The following SLC2A7 variants were observed in gnomAD, a reference collection of about 807,000 sequenced individuals.
SLC2A7 encodes solute carrier family 2 member 7, also known as solute carrier family 2, facilitated glucose transporter member 7.
A neutral mutation model predicts 50.5 loss-of-function variants in SLC2A7; 50 were observed. The ratio of observed to expected loss-of-function variants is 0.99; its 90% CI spans 0.79 to 1.25. The LOEUF is 1.25. Ranked by LOEUF, SLC2A7 falls within the 50% of genes most tolerant of loss-of-function variation. The pLI, the probability that SLC2A7 is intolerant of heterozygous loss-of-function variation, is 0.00. For missense variants in SLC2A7, 683 were observed against 679.1 expected (o/e 1.01, Z -0.06); for synonymous variants, 308 against 300.4 (o/e 1.03, Z -0.26).
At position 9,003,455 on chromosome 1, in the gene SLC2A7, T is replaced by C. The variant is rs375730987; in HGVS notation, c.1384A>G (p.Ile462Val). ...TTGGTCTCCGGAATAACCACGTAGA[T>C]GTAAATCGCAGTGAGGAGGCAGATT... ...AGICLLTAIY[I>V]YVVIPETKGK... Residue 462 changes from isoleucine to valine, a missense_variant, in exon 12 of 12, where the codon ATC becomes GTC. By Grantham distance (29) the Ile-to-Val change is conservative (BLOSUM62 3). Coordinates refer to ENST00000400906, the MANE Select transcript of SLC2A7 (RefSeq NM_207420.3). 47 of 1,614,026 alleles carry C rather than the reference T, an allele frequency of 2.9e-5. No individual in the cohort carries two copies. The highest frequency in any genetic ancestry group is 2.3e-4 in the South Asian group (21 of 91,088).
chr1:9,003,849 C>A (rs1466409336), intron 11 of SLC2A7, among the ~76,000 whole-genome samples: 2 of 152,038 alleles, frequency 1.3e-5, no homozygotes, highest in Admixed American at 6.6e-5. Context: ...CAGAGCGTGA[C>A]TGTCTCAAAA....
intron 9 of SLC2A7, among the ~76,000 whole-genome samples, chr1:9,009,149 A>G (rs1640703614): frequency 6.6e-6 from 1 of 152,334 alleles, no homozygotes; most frequent in African/African-American, 2.4e-5. Flanking sequence ...TTGGCTCTAC[A>G]TGACAGAATG....
At chr1:9,004,213 G>A (rs1640618229) in intron 11 of SLC2A7, among the ~76,000 whole-genome samples, 1 of 151,744 alleles carries the variant, frequency 6.6e-6, no homozygotes, top group African/African-American at 2.4e-5. Context: ...CATGCCTGTG[G>A]TCCCAGCGAC....
intron 11 of SLC2A7, 68 bp from the exon 12 acceptor site, chr1:9,003,586 G>T (rs972167508): frequency 4.2e-6 from 6 of 1,436,674 alleles, no homozygotes; most frequent in Non-Finnish European, 5.8e-6. Flanking sequence ...AGCTGAGCAC[G>T]TTGGCTCATG....
the SLC2A7 span, among the ~76,000 whole-genome samples, chr1:8,997,259 TTG>T: frequency 1.3e-5 from 2 of 152,036 alleles, no homozygotes; most frequent in African/African-American, 4.8e-5. Context: ...TGAGCCATGA[TTG>T]TGTCACTGCA....
intron 9 of SLC2A7, among the ~76,000 whole-genome samples, chr1:9,009,294 T>C (rs1335849466): frequency 6.6e-6 from 1 of 152,200 alleles, no homozygotes; most frequent in Non-Finnish European, 1.5e-5. Flanking sequence ...AGAATGCTGG[T>C]TGCTTTTTAG....
chr1:9,003,549 G>T (rs773450763), intron 11 of SLC2A7, 31 bp from the exon 12 acceptor site: 30 of 1,585,648 alleles, frequency 1.9e-5, no homozygotes, highest in Non-Finnish European at 2.4e-5. Flanking sequence ...GACAGGAGGG[G>T]GCAGAGAAAG....
chr1:9,013,592 T>C lies in SLC2A7; in HGVS notation c.947A>G (p.Glu316Gly), dbSNP rs1640782149. 2.5e-6 allele frequency: 4 copies of C among 1,614,106 alleles called. No homozygotes were observed. Among genetic ancestry groups the C allele is most frequent in the Non-Finnish European group, 3.4e-6 (4 of 1,180,004 alleles). ...CGTTACATATTGGGAGTGAGCGGCCTCCACGCCCGCAGATGTGTAGATGGT... is the reference window on the plus strand; with the variant it reads ...CGTTACATATTGGGAGTGAGCGGCCCCCACGCCCGCAGATGTGTAGATGGT... ...ADTIYTSAGV[E>G]AAHSQYVTVG... Residue 316 changes from glutamate (E) to glycine (G), a missense_variant, in exon 8 of 12, where the codon GAG (glutamate) becomes GGG (glycine). Transcript: ENST00000400906.
chr1:9,002,498 G>T (rs1028155008), downstream of SLC2A7, among the ~76,000 whole-genome samples: 3 of 152,122 alleles, frequency 2.0e-5, no homozygotes, highest in Admixed American at 2.0e-4. Flanking sequence ...GCACATCAAG[G>T]CACAGCACCT....
chr1:9,001,355 G>A (rs556117738), downstream of SLC2A7, among the ~76,000 whole-genome samples: 2 of 151,822 alleles, frequency 1.3e-5, no homozygotes, highest in African/African-American at 2.4e-5. Context: ...TTATCATCTC[G>A]AGTGATAGAA....
rs200442436 is a variant in SLC2A7 at position 9,025,056 on chromosome 1, A to G, written c.70T>C (p.Leu24=). The G allele has an allele frequency of 1.7e-5, 27 of 1,613,214 alleles. No individual in the cohort carries two copies. The highest frequency in any genetic ancestry group is 2.1e-5 in the Non-Finnish European group (25 of 1,179,914). ...SREGRLQPTL[L]LATLSAAFGS... ...AAGGCCGCGCTCAGTGTCGCCAGCA[A>G]CAGCGTCGGCTGGAGCCGCTGTAGG... is the stretch of plus-strand genomic sequence containing the variant. The change falls in exon 2 of 12, where the codon TTG becomes CTG. Residue 24 remains leucine, a synonymous_variant. Transcript: ENST00000400906.
rs760026804 is a variant in SLC2A7, at chr1:9,003,510, G to T, written c.1329C>A (p.Ile443=). 1.2e-6 allele frequency: 2 copies of T among 1,613,952 alleles called. No individual in the cohort carries two copies. The highest frequency in any genetic ancestry group is 1.7e-6 in the Non-Finnish European group (2 of 1,179,966). Residue 443 remains isoleucine (I), a synonymous_variant, in exon 12 of 12, where the codon ATC becomes ATA. Transcript: ENST00000400906. The part of the protein sequence containing the change: ...GFLFPSIQEA[I]GAYSFIIFAG... ...CAAAGATGATGAAACTGTAGGCACC[G>T]ATGGCCTCCTAGACCAGGAGACGAG... is the stretch of plus-strand genomic sequence containing the variant.
intron 10 of SLC2A7, among the ~76,000 whole-genome samples, chr1:9,007,001 G>A (rs1640661949): frequency 6.6e-6 from 1 of 152,232 alleles, no homozygotes; most frequent in Admixed American, 6.5e-5. Context: ...AGGTGCCCCA[G>A]GGGTGTCTGA....
chr1:9,022,234 T>C (rs1051870966), intron 3 of SLC2A7, among the ~76,000 whole-genome samples: 14 of 152,208 alleles, frequency 9.2e-5, no homozygotes, highest in Admixed American at 3.9e-4. Context: ...CAAGTGTAAC[T>C]GTGAGTCCGA....
At position 9,018,320 on chromosome 1, in the gene SLC2A7, C is replaced by T; in HGVS notation, c.492G>A (p.Leu164=). The T allele has an allele frequency of 6.2e-7, 1 of 1,614,198 alleles. No homozygotes were observed. ...MYLGELAPKN[L]RGMVGTMTEV... ...CGGTCATTGTTCCCACCATGCCTCT[C>T]AGGTTCTTGGGGGCCAGTTCTCCCA... The change falls in exon 5 of 12, where the codon CTG becomes CTA. Residue 164 remains leucine, a synonymous_variant. Transcript: ENST00000400906.
rs1392753776 is a variant in SLC2A7, at chr1:9,010,261, A to T, written c.1015-17T>A. ...AAGGACAGCCTGGAGGGGAAGGGGG[A>T]CAGTGAGAAGCCGCCTTGGCCTGGC... On this transcript the variant is annotated splice_polypyrimidine_tract_variant and intron_variant, in intron 8 of 11. Coordinates refer to ENST00000400906, the MANE Select transcript of SLC2A7 (RefSeq NM_207420.3). 19 of 1,548,068 alleles carry T rather than the reference A, an allele frequency of 1.2e-5. No individual in the cohort carries two copies. The East Asian group carries it at 4.4e-4, about 36-fold the overall frequency.
At chr1:9,018,906 G>A (rs1260759424) in intron 4 of SLC2A7, among the ~76,000 whole-genome samples, 1 of 152,144 alleles carries the variant, frequency 6.6e-6, no homozygotes, top group Non-Finnish European at 1.5e-5. Context: ...GCTTGGCCAG[G>A]TACAGTGGCT....
Position 9,013,701 on chromosome 1 carries a change from A to G in SLC2A7, c.904-66T>C, listed in dbSNP as rs1469569465. 2.2e-6 allele frequency: 3 copies of G among 1,352,390 alleles called. No homozygotes were observed. The African/African-American group carries it at 4.3e-5, about 19-fold the overall frequency. 83.8% of individuals were successfully genotyped at this position (1,352,390 alleles called of 1,614,324 possible). ...CCAGGACGCTGGCTTAACTTTCTCA[A>G]CTCAAGCCACACACAGTTCTGCAAG... On this transcript the variant is annotated intron_variant, in intron 7 of 11. Transcript: ENST00000400906.
intron 9 of SLC2A7, among the ~76,000 whole-genome samples, chr1:9,009,931 C>G (rs564928716): frequency 6.6e-6 from 1 of 152,246 alleles, no homozygotes; most frequent in African/African-American, 2.4e-5. Context: ...ACCATCTATC[C>G]GGTTACTTAT....
Sources: gnomAD v4.1 joint callset for allele counts (sites outside exome capture counted in the v4.1 genomes callset) on GRCh38, gnomAD v4.1.1 for gene constraint, MANE v1.5 for transcripts, NCBI Gene and HGNC (gene_info 2026-07-23, HGNC 2026-07-21) for gene names.